Variants in ATP5F1A observed in about 807,000 individuals in gnomAD.
ATP5F1A encodes the protein ATP synthase F(1) complex subunit alpha, mitochondrial.
A neutral mutation model predicts 57.4 loss-of-function variants in ATP5F1A; 24 were observed. That is an observed-to-expected ratio of 0.42 (90% CI 0.30 to 0.59). The LOEUF is 0.59. ATP5F1A is among the 20% of genes least tolerant of loss of function. The probability of loss-of-function intolerance (pLI) is 0.19; values close to 1 mark genes in which losing one functional copy is unlikely to be tolerated. For synonymous variants in ATP5F1A, 251 were observed against 255.5 expected, an observed-to-expected ratio of 0.98 and a Z score of 0.17; for missense variants, 494 against 707.9, an observed-to-expected ratio of 0.70 and a Z score of 3.43.
In ATP5F1A at chr18:46,086,273, T is replaced by A. The variant is rs762973766; in HGVS notation, c.1285-16A>T. 46 of 1,613,718 alleles carry A rather than the reference T, an allele frequency of 2.9e-5. No individual in the cohort carries two copies. The highest frequency in any genetic ancestry group is 3.9e-5 in the Non-Finnish European group (46 of 1,179,902). ...TACCTGCTACCTGCAATACAGAAAT[T>A]ACTGTACTGTAACTCAGTGACACAG... On this transcript the variant is annotated splice_polypyrimidine_tract_variant and intron_variant, in intron 9 of 11. Transcript: ENST00000398752.
chr18:46,092,630 TA>T (rs1568251313), intron 2 of ATP5F1A, among the ~76,000 whole-genome samples: 2 of 150,210 alleles, frequency 1.3e-5, no homozygotes, highest in Non-Finnish European at 3.0e-5. Context: ...TATATATATA[TA>T]TATATTCTAC....
chr18:46,091,268 A>C (rs906351157), intron 3 of ATP5F1A, among the ~76,000 whole-genome samples: 2 of 152,202 alleles, frequency 1.3e-5, no homozygotes, highest in African/African-American at 4.8e-5. Context: ...AGCTACACCA[A>C]AACTCGCCTT....
chr18:46,086,113 A>G lies in ATP5F1A; in HGVS notation c.1429T>C (p.Ser477Pro). The G allele has an allele frequency of 1.9e-6, 3 of 1,612,016 alleles. No individual in the cohort carries two copies. The highest frequency in any genetic ancestry group is 2.5e-6 in the Non-Finnish European group (3 of 1,179,934). Reference protein sequence around the residue: ...LTELLKQGQYSPMAIEEQVAV... With the variant: ...LTELLKQGQYPPMAIEEQVAV... ...CCAAATGAAGAAAAGAACAACTTAC[A>G]ATACTGTCCTTGCTTCAGCAACTCA... The change falls in exon 10 of 12, where the codon TCT becomes CCT. Residue 477 changes from serine (S) to proline (P), a missense_variant and splice_region_variant. Physicochemically the swap from Ser to Pro is moderately conservative, Grantham distance 74. This residue lies in a region of ATP5F1A where 127 missense variants were observed against 195.2 expected (regional missense o/e 0.65). Transcript: ENST00000398752.
intron 5 of ATP5F1A, 170 bp downstream of exon 5, chr18:46,089,396 C>T (rs1418803470): frequency 2.6e-5 from 19 of 732,880 alleles, no homozygotes; most frequent in Non-Finnish European, 3.9e-5. Context: ...TGAGAAATAC[C>T]CACAGGTGTG....
At position 46,089,969 on chromosome 18, in the gene ATP5F1A, T is replaced by C; in HGVS notation, c.337A>G (p.Asn113Asp). The C allele has an allele frequency of 6.2e-7, 1 of 1,605,782 alleles. No individual in the cohort carries two copies. Among genetic ancestry groups the C allele is most frequent in the Middle Eastern group, 1.7e-4 (1 of 6,012 alleles). The change falls in exon 4 of 12, where the codon AAT becomes GAT. Residue 113 changes from asparagine (N) to aspartate (D), a missense_variant. Asn to Asp is a conservative substitution (Grantham distance 23, BLOSUM62 1). Around this residue, in one of 6 missense-constraint regions of ATP5F1A, gnomAD observed 191 missense variants for 267.7 expected, o/e 0.71. Transcript: ENST00000398752. Reference sequence around the variant, plus strand: ...TTTCCAAACACGACAACACCAACATTGTCAGGTTCCAAGTTCAAGGACATA... The same window carrying C: ...TTTCCAAACACGACAACACCAACATCGTCAGGTTCCAAGTTCAAGGACATA... ...KGMSLNLEPDNVGVVVFGNDK... is the reference protein window; with the variant it reads ...KGMSLNLEPDDVGVVVFGNDK...
intron 2 of ATP5F1A, 63 bp downstream of exon 2, chr18:46,094,990 C>A (rs755201202): frequency 3.3e-6 from 5 of 1,517,000 alleles, no homozygotes; most frequent in African/African-American, 1.4e-5. Flanking sequence ...CACAGTTATA[C>A]GATGTATGTA....
rs780078808 is a variant in ATP5F1A, at chr18:46,098,221, A to C, written c.11T>G (p.Val4Gly). Residue 4 changes from valine to glycine, a missense_variant, in exon 1 of 12, where the codon GTG becomes GGG. Val to Gly is a moderately radical substitution (Grantham distance 109). This residue lies in a region of ATP5F1A where 142 missense variants were observed against 137.5 expected (regional missense o/e 1.03). Coordinates refer to ENST00000398752, the MANE Select transcript of ATP5F1A (RefSeq NM_004046.6). ...GCGGACCACGGCCGCAGCAACGCGC[A>C]CGGACAGCATCTTTGCAGTTACTCC... MLS[V>G]RVAAAVVRAL... 64 of 1,606,866 alleles carry C rather than the reference A, an allele frequency of 4.0e-5. No homozygotes were observed. The highest frequency in any genetic ancestry group is 5.1e-5 in the Non-Finnish European group (60 of 1,179,238).
chr18:46,102,438 C>G (rs1911303220), upstream of ATP5F1A, among the ~76,000 whole-genome samples: 1 of 152,004 alleles, frequency 6.6e-6, no homozygotes, highest in African/African-American at 2.4e-5. Flanking sequence ...ATTCTCTTGC[C>G]TCAGCCTCCC....
At chr18:46,084,789 G>A (rs1182248422) in intron 10 of ATP5F1A, 135 bp from the exon 11 acceptor site, 2 of 892,082 alleles carry the variant, frequency 2.2e-6, no homozygotes, top group African/African-American at 3.5e-5. Context: ...CAATATCAAT[G>A]ACCTAGAACT....
chr18:46,100,659 G>C (rs1180691538), upstream of ATP5F1A, among the ~76,000 whole-genome samples: 2 of 152,172 alleles, frequency 1.3e-5, no homozygotes, highest in African/African-American at 4.8e-5. Flanking sequence ...CTTTAAGAAA[G>C]TTCATTGTCA....
At chr18:46,085,902 C>T in intron 10 of ATP5F1A, 1 of 576,282 alleles carries the variant, frequency 1.7e-6, no homozygotes, top group Non-Finnish European at 2.9e-6. Flanking sequence ...CATTGCACTT[C>T]AGCCTAGGCC....
At position 46,087,174 on chromosome 18, in the gene ATP5F1A, T is replaced by C; in HGVS notation, c.1010A>G (p.Tyr337Cys). The C allele has an allele frequency of 1.2e-6, 2 of 1,614,200 alleles. No individual in the cohort carries two copies. The highest frequency in any genetic ancestry group is 8.5e-7 in the Non-Finnish European group (1 of 1,180,034). The stretch of plus-strand genomic sequence containing the variant: ...GTGTAGGTAGAACACATCACCAGGA[T>C]AGGCCTCACGACCAGGGGGTCGGCG... ...LLRRPPGREAYPGDVFYLHSR... is the reference protein window; with the variant it reads ...LLRRPPGREACPGDVFYLHSR... Residue 337 changes from tyrosine to cysteine, a missense_variant, in exon 8 of 12, where the codon TAT becomes TGT. Physicochemically the swap from Tyr to Cys is radical, Grantham distance 194. Transcript: ENST00000398752.
At chr18:46,097,732 TCACA>T (rs1911064305) in intron 1 of ATP5F1A, 1 of 812,306 alleles carries the variant, frequency 1.2e-6, no homozygotes, top group East Asian at 1.1e-4. Flanking sequence ...CTGCTGACCT[TCACA>T]CAATGTCAGA....
rs2144156917 is a variant in ATP5F1A at position 46,081,239 on chromosome 18, A to C, written c.*3043T>G. 6.6e-6 allele frequency: 1 copy of C among 151,452 alleles called. No homozygotes were observed. Among genetic ancestry groups the C allele is most frequent in the Middle Eastern group, 3.4e-3 (1 of 294 alleles). The allele number at this position is 151,452 out of a possible 1,614,324, so 9.4% of individuals were successfully genotyped here. ...TTGTCTTCATTTGAGAAGTTTATTGAGCATTTACGTGCCAGGAGTGGGCTA... is the reference window on the plus strand; with the variant it reads ...TTGTCTTCATTTGAGAAGTTTATTGCGCATTTACGTGCCAGGAGTGGGCTA... On this transcript the variant is annotated 3_prime_UTR_variant, in exon 12 of 12. Coordinates refer to ENST00000398752, the MANE Select transcript of ATP5F1A (RefSeq NM_004046.6).
chr18:46,089,301 C>A, intron 5 of ATP5F1A: 1 of 412,470 alleles, frequency 2.4e-6, no homozygotes, highest in Non-Finnish European at 4.4e-6. Flanking sequence ...CCCCCTTCAT[C>A]TGGTGCCCAA....
upstream of ATP5F1A, among the ~76,000 whole-genome samples, chr18:46,099,642 G>A (rs527563352): frequency 2.6e-5 from 4 of 152,056 alleles, no homozygotes; most frequent in Admixed American, 6.5e-5. Context: ...TGGGCAGGGC[G>A]TGGGGGGAGG....
At chr18:46,097,775 A>G in intron 1 of ATP5F1A, 2 of 1,015,508 alleles carry the variant, frequency 2.0e-6, no homozygotes, top group Non-Finnish European at 2.4e-6. Flanking sequence ...ACAAGAGCTG[A>G]CAGCAGTTTT....
rs1909698490 is a variant in ATP5F1A, at chr18:46,080,814, A to C, written c.*3468T>G. 6.6e-6 allele frequency: 1 copy of C among 151,862 alleles called. No homozygotes were observed. The highest frequency in any genetic ancestry group is 6.6e-5 in the Admixed American group (1 of 15,244). 9.4% of individuals were successfully genotyped at this position (151,862 alleles called of 1,614,324 possible). ...CATATTTTTAAATGTGATATTTAAA[A>C]ATCACATTTTTAAATATCACTGTGC... On this transcript the variant is annotated 3_prime_UTR_variant, in exon 12 of 12. Transcript: ENST00000398752.
chr18:46,087,426 G>A lies in ATP5F1A; in HGVS notation c.866C>T (p.Ala289Val), dbSNP rs1910190883. The change falls in exon 7 of 12, where the codon GCT (alanine) becomes GTT (valine). Residue 289 changes from alanine (A) to valine (V), a missense_variant. Transcript: ENST00000398752. Reference protein sequence around the residue: ...ASDAAPLQYLAPYSGCSMGEY... With the variant: ...ASDAAPLQYLVPYSGCSMGEY... ...TCCCATGGAACAGCCAGAGTAAGGA[G>A]CCAGGTACTGAAGTGGGGCAGCATC... is the stretch of plus-strand genomic sequence containing the variant. 6 of 1,614,108 alleles carry A rather than the reference G, an allele frequency of 3.7e-6. No individual in the cohort carries two copies. The highest frequency in any genetic ancestry group is 1.7e-5 in the Admixed American group (1 of 60,012).
Sources: gnomAD v4.1 joint callset for allele counts (sites outside exome capture counted in the v4.1 genomes callset) on GRCh38, gnomAD v4.1.1 for gene constraint, gnomAD v4.1.1 regional missense constraint, MANE v1.5 for transcripts, NCBI Gene and HGNC (gene_info 2026-07-23, HGNC 2026-07-21) for gene names.